The following CAMK4 variants were observed in gnomAD, a reference collection of about 807,000 sequenced individuals.
CAMK4 encodes calcium/calmodulin dependent protein kinase IV.
In CAMK4, 22 loss-of-function variants were observed where a neutral mutation model predicts 44.9. That is an observed-to-expected ratio of 0.49 (90% CI 0.35 to 0.70). The LOEUF is 0.70. CAMK4 is among the 30% of genes least tolerant of loss of function. The probability of loss-of-function intolerance (pLI) is 0.01; values close to 1 mark genes in which losing one functional copy is unlikely to be tolerated. For missense variants in CAMK4, 498 were observed against 586.8 expected, an observed-to-expected ratio of 0.85 and a Z score of 1.56; for synonymous variants, 218 against 215.4, an observed-to-expected ratio of 1.01 and a Z score of -0.11.
chr5:111,421,821 C>G lies in CAMK4; in HGVS notation c.460-24865C>G, dbSNP rs114144763. Among the ~76,000 whole-genome samples, 1,060 of 152,170 alleles carry G rather than the reference C, an allele frequency of 7.0e-3. 7 individuals carry two copies. Among genetic ancestry groups the G allele is most frequent in the African/African-American group, 0.025 (1,021 of 41,512 alleles). ...AATCCTCACGTGTCATGGGAGGGACCCTGTTGGAGGTAACTGAATCATGGG... is the reference window on the plus strand; with the variant it reads ...AATCCTCACGTGTCATGGGAGGGACGCTGTTGGAGGTAACTGAATCATGGG... On this transcript the variant is annotated intron_variant, in intron 5 of 10. Coordinates refer to ENST00000282356, the MANE Select transcript of CAMK4 (RefSeq NM_001744.6).
At chr5:111,399,521 A>T (rs901685322) in intron 5 of CAMK4, among the ~76,000 whole-genome samples, 1 of 152,192 alleles carries the variant, frequency 6.6e-6, no homozygotes, top group Non-Finnish European at 1.5e-5. Flanking sequence ...TCACCTTTAT[A>T]TTCCCAGCGT....
intron 1 of CAMK4, among the ~76,000 whole-genome samples, chr5:111,261,624 C>A (rs538016131): frequency 5.3e-5 from 8 of 151,320 alleles, no homozygotes; most frequent in African/African-American, 1.9e-4. Flanking sequence ...GGAAAAGAGC[C>A]ATCTTTTTAA....
chr5:111,316,440 TTTC>T (rs368148256), intron 1 of CAMK4, among the ~76,000 whole-genome samples: 1,541 of 152,308 alleles, frequency 0.01, 8 homozygotes, highest in Non-Finnish European at 0.016. Flanking sequence ...TTTTCCTTCT[TTTC>T]TTCTTCTAAG....
At chr5:111,248,603 G>A (rs938092937) in intron 1 of CAMK4, among the ~76,000 whole-genome samples, 6 of 151,628 alleles carry the variant, frequency 4.0e-5, no homozygotes, top group South Asian at 4.2e-4. Flanking sequence ...ACAGTATCTA[G>A]CACATTGCTT....
intron 1 of CAMK4, among the ~76,000 whole-genome samples, chr5:111,255,787 G>A (rs1207860212): frequency 1.3e-5 from 2 of 152,074 alleles, no homozygotes; most frequent in Non-Finnish European, 2.9e-5. Flanking sequence ...AGTCTCTGAT[G>A]ATGTTCTAAT....
intron 7 of CAMK4, among the ~76,000 whole-genome samples, chr5:111,454,321 A>G (rs1754341381): frequency 6.6e-6 from 1 of 152,108 alleles, no homozygotes; most frequent in African/African-American, 2.4e-5. Context: ...TTTATGTTAT[A>G]CCATCTGTCA....
At chr5:111,396,350 A>G (rs891470747) in intron 5 of CAMK4, among the ~76,000 whole-genome samples, 1 of 152,132 alleles carries the variant, frequency 6.6e-6, no homozygotes, top group Non-Finnish European at 1.5e-5. Context: ...TTATATAAAT[A>G]CTGAATATCA....
intron 1 of CAMK4, among the ~76,000 whole-genome samples, chr5:111,260,099 C>A (rs1580493892): frequency 6.6e-6 from 1 of 152,238 alleles, no homozygotes; most frequent in East Asian, 1.9e-4. Flanking sequence ...ATAAATGTTT[C>A]TCTTGTTCCC....
intron 1 of CAMK4, among the ~76,000 whole-genome samples, chr5:111,337,735 G>A (rs896811409): frequency 1.3e-5 from 2 of 151,090 alleles, no homozygotes; most frequent in African/African-American, 4.8e-5. Context: ...GCACTAGTAA[G>A]GTTCTGAGGA....
chr5:111,274,272 C>G (rs1750664439), intron 1 of CAMK4, among the ~76,000 whole-genome samples: 1 of 152,100 alleles, frequency 6.6e-6, no homozygotes, highest in Non-Finnish European at 1.5e-5. Context: ...CTCTGTTTCC[C>G]CTTAACTTGT....
At chr5:111,295,934 C>A (rs978499618) in intron 1 of CAMK4, among the ~76,000 whole-genome samples, 1 of 152,162 alleles carries the variant, frequency 6.6e-6, no homozygotes, top group Non-Finnish European at 1.5e-5. Flanking sequence ...TCATTTGCTA[C>A]GTAGTTGAAC....
rs973193889 is a variant in CAMK4, at chr5:111,457,107, A to T, written c.625+7904A>T. Among the ~76,000 whole-genome samples, 4 of 152,318 alleles carry T rather than the reference A, an allele frequency of 2.6e-5. No homozygotes were observed. The East Asian group carries it at 7.7e-4, about 29-fold the overall frequency. ...TGACAGCCTTTATCAGGGGAATTCA[A>T]GTTTCTTTGGATAGCTATGGGACTA... On this transcript the variant is annotated intron_variant, in intron 7 of 10. Coordinates refer to ENST00000282356, the MANE Select transcript of CAMK4 (RefSeq NM_001744.6).
At chr5:111,255,268 A>G (rs1329132244) in intron 1 of CAMK4, among the ~76,000 whole-genome samples, 3 of 152,184 alleles carry the variant, frequency 2.0e-5, no homozygotes, top group African/African-American at 7.2e-5. Context: ...TGCCATCATC[A>G]CTTCCATTGG....
intron 8 of CAMK4, among the ~76,000 whole-genome samples, chr5:111,475,568 A>T (rs949213784): frequency 2.0e-5 from 3 of 152,192 alleles, no homozygotes; most frequent in Non-Finnish European, 2.9e-5. Context: ...AAACTATTTT[A>T]TATATTTCTT....
chr5:111,463,319 A>T (rs1038683095), intron 7 of CAMK4, among the ~76,000 whole-genome samples: 1 of 152,210 alleles, frequency 6.6e-6, no homozygotes, highest in East Asian at 1.9e-4. Context: ...TGAATAGACA[A>T]TGCTCAAAAG....
intron 5 of CAMK4, among the ~76,000 whole-genome samples, chr5:111,435,909 G>A (rs569793441): frequency 6.6e-6 from 1 of 152,132 alleles, no homozygotes; most frequent in East Asian, 1.9e-4. Context: ...ACATATACTT[G>A]TTCTAACCTT....
chr5:111,227,230 A>G (rs990053232), intron 1 of CAMK4, among the ~76,000 whole-genome samples: 2 of 152,260 alleles, frequency 1.3e-5, no homozygotes, highest in African/African-American at 4.8e-5. Flanking sequence ...AGAATGCAAC[A>G]GAATGATGAT....
At chr5:111,374,957 G>C in intron 3 of CAMK4, 45 bp downstream of exon 3, 2 of 1,335,706 alleles carry the variant, frequency 1.5e-6, no homozygotes, top group Non-Finnish European at 2.2e-6. Flanking sequence ...GCCAGAGCTA[G>C]AGAAAGGGAC....
At chr5:111,407,399 T>C (rs1048698539) in intron 5 of CAMK4, among the ~76,000 whole-genome samples, 2 of 149,330 alleles carry the variant, frequency 1.3e-5, no homozygotes, top group African/African-American at 2.5e-5. Flanking sequence ...CAAAGTATAC[T>C]AATAGAGAAG....
Sources: allele counts gnomAD v4.1 joint callset (sites outside exome capture counted in the v4.1 genomes callset), GRCh38; gene constraint gnomAD v4.1.1; transcripts MANE v1.5; gene names NCBI Gene and HGNC (gene_info 2026-07-23, HGNC 2026-07-21).